ADIPOR2: variants seen among roughly 807,000 people sequenced by gnomAD.
The protein encoded by ADIPOR2 is adiponectin receptor 2.
A neutral mutation model predicts 40.9 loss-of-function variants in ADIPOR2; 18 were observed. That is an observed-to-expected ratio of 0.44 (90% confidence interval 0.30 to 0.65). The LOEUF (loss-of-function observed/expected upper bound fraction) is 0.65. Ranked by LOEUF, ADIPOR2 falls within the 30% of genes least tolerant of loss-of-function variation. ADIPOR2 has a pLI of 0.09. For missense variants in ADIPOR2, 283 were observed against 479.2 expected, an observed-to-expected ratio of 0.59 and a Z score of 3.82; for synonymous variants, 165 against 166.4, an observed-to-expected ratio of 0.99 and a Z score of 0.06.
In ADIPOR2 at chr12:1,715,784, C is replaced by G. The variant is rs534935220; in HGVS notation, c.-87+24593C>G. On this transcript the variant is annotated intron_variant, in intron 1 of 7. Transcript: ENST00000357103. ...CAAGAGGATTGTAAAATGCGCCAGT[C>G]AGCGCTCTGTAAAAATGCACCAGTC... Among the ~76,000 whole-genome samples the G allele has an allele frequency of 2.0e-5, 3 of 152,282 alleles. No homozygotes were observed. In the South Asian group the frequency reaches 6.2e-4, roughly 32 times the overall value.
At chr12:1,728,264 C>T (rs1424746763) in intron 1 of ADIPOR2, among the ~76,000 whole-genome samples, 1 of 151,838 alleles carries the variant, frequency 6.6e-6, no homozygotes, top group Non-Finnish European at 1.5e-5. Flanking sequence ...AGGCACCTGC[C>T]ACCACGCCCG....
chr12:1,748,262 T>C (rs921623037), intron 1 of ADIPOR2, among the ~76,000 whole-genome samples: 1 of 152,198 alleles, frequency 6.6e-6, no homozygotes, highest in Non-Finnish European at 1.5e-5. Context: ...TTTATTCTTT[T>C]TTTAGAGACG....
chr12:1,730,565 CGAGA>C (rs2094717861), intron 1 of ADIPOR2, among the ~76,000 whole-genome samples: 4 of 148,484 alleles, frequency 2.7e-5, no homozygotes, highest in African/African-American at 9.9e-5. Flanking sequence ...TGCAGTGAGC[CGAGA>C]TAGTGCTACT....
rs1862064514 is a variant in ADIPOR2 at position 1,754,263 on chromosome 12, A to G, written c.-81A>G. The G allele has an allele frequency of 2.2e-6, 3 of 1,354,554 alleles. No homozygotes were observed. Among genetic ancestry groups the G allele is most frequent in the South Asian group, 4.0e-5 (2 of 49,776 alleles). The allele number at this position is 1,354,554 out of a possible 1,614,324, so 83.9% of individuals were successfully genotyped here. On this transcript the variant is annotated 5_prime_UTR_variant, in exon 2 of 8. Transcript: ENST00000357103. ...CAAAACTTTCATCTTCTTAGGATCAACTCACTATCCTGAAGGTCCATTCTC... is the reference window on the plus strand; with the variant it reads ...CAAAACTTTCATCTTCTTAGGATCAGCTCACTATCCTGAAGGTCCATTCTC...
chr12:1,752,744 ATT>A (rs1196695745), intron 1 of ADIPOR2, among the ~76,000 whole-genome samples: 4 of 152,322 alleles, frequency 2.6e-5, no homozygotes, highest in Admixed American at 2.6e-4. Context: ...CTGGTACAGA[ATT>A]TACCTTTGTT....
intron 1 of ADIPOR2, among the ~76,000 whole-genome samples, chr12:1,731,281 C>G (rs1239710967): frequency 6.6e-6 from 1 of 152,190 alleles, no homozygotes; most frequent in Non-Finnish European, 1.5e-5. Context: ...GAACTTTCTC[C>G]CGCTTCAGCC....
At chr12:1,730,447 C>T (rs1479803901) in intron 1 of ADIPOR2, among the ~76,000 whole-genome samples, 1 of 151,078 alleles carries the variant, frequency 6.6e-6, no homozygotes, top group Non-Finnish European at 1.5e-5. Flanking sequence ...GAAACCTCGT[C>T]TCTACTAAAA....
At chr12:1,771,465 T>C (rs987159353) in intron 2 of ADIPOR2, among the ~76,000 whole-genome samples, 3 of 152,034 alleles carry the variant, frequency 2.0e-5, no homozygotes, top group Non-Finnish European at 2.9e-5. Context: ...TTAGGATAGT[T>C]AAAGAAGGGT....
intron 2 of ADIPOR2, among the ~76,000 whole-genome samples, chr12:1,764,227 A>G (rs2154443875): frequency 6.6e-6 from 1 of 152,280 alleles, no homozygotes; most frequent in Non-Finnish European, 1.5e-5. Context: ...CCGACACTAT[A>G]TTAATACTTT....
intron 1 of ADIPOR2, among the ~76,000 whole-genome samples, chr12:1,703,628 G>A (rs2094655180): frequency 6.6e-6 from 1 of 151,846 alleles, no homozygotes; most frequent in Non-Finnish European, 1.5e-5. Context: ...GAGGTGGGAG[G>A]ATAGCTCGAA....
chr12:1,726,321 C>T (rs1255872817), intron 1 of ADIPOR2, among the ~76,000 whole-genome samples: 2 of 152,142 alleles, frequency 1.3e-5, no homozygotes, highest in African/African-American at 4.8e-5. Flanking sequence ...CCTCACCCTC[C>T]TGAGTAGCTG....
chr12:1,754,365 C>A lies in ADIPOR2; in HGVS notation c.22C>A (p.Arg8=). MNEPTEN[R]LGCSRTPEPD... is the part of the protein sequence containing the mutation. ...TCCCATGAACGAGCCAACAGAAAAC[C>A]GATTGGGGTGCAGCAGGACTCCAGA... The change falls in exon 2 of 8, where the codon CGA becomes AGA. Residue 8 remains arginine, a synonymous_variant. Coordinates refer to ENST00000357103, the MANE Select transcript of ADIPOR2 (RefSeq NM_024551.3). The A allele has an allele frequency of 6.2e-7, 1 of 1,607,664 alleles. No individual in the cohort carries two copies. The highest frequency in any genetic ancestry group is 1.1e-5 in the South Asian group (1 of 89,684).
chr12:1,767,039 G>T (rs1322545713), intron 2 of ADIPOR2, among the ~76,000 whole-genome samples: 2 of 152,292 alleles, frequency 1.3e-5, no homozygotes, highest in African/African-American at 4.8e-5. Flanking sequence ...GGAAGCTGAG[G>T]CGGGTGGATC....
intron 6 of ADIPOR2, among the ~76,000 whole-genome samples, chr12:1,782,203 T>G (rs1347126285): frequency 6.6e-6 from 1 of 152,254 alleles, no homozygotes; most frequent in Non-Finnish European, 1.5e-5. Context: ...TGCTTGGTTC[T>G]TACCTGTTGT....
rs114675341 is a variant in ADIPOR2 at position 1,780,766 on chromosome 12, G to A, written c.651-123G>A. ...AACTTTTTTTTTTTTAAAAATTAAA[G>A]AGCAACCCAGTTTGGCTCTTAGGTG... is the stretch of plus-strand genomic sequence containing the variant. On this transcript the variant is annotated intron_variant, in intron 5 of 7. Coordinates refer to ENST00000357103, the MANE Select transcript of ADIPOR2 (RefSeq NM_024551.3). 1.8e-4 allele frequency: 243 copies of A among 1,360,662 alleles called. No individual in the cohort carries two copies. The African/African-American group carries it at 2.9e-3, about 16-fold the overall frequency. 84.3% of individuals were successfully genotyped at this position (1,360,662 alleles called of 1,614,324 possible).
chr12:1,695,663 CAAAAAA>C (rs34987467), intron 1 of ADIPOR2, among the ~76,000 whole-genome samples: 3 of 109,124 alleles, frequency 2.7e-5, no homozygotes, highest in Non-Finnish European at 5.4e-5. Flanking sequence ...AACTCCATCT[CAAAAAA>C]AAAAAAAAAA....
At chr12:1,726,187 G>A (rs2094707586) in intron 1 of ADIPOR2, among the ~76,000 whole-genome samples, 1 of 152,092 alleles carries the variant, frequency 6.6e-6, no homozygotes, top group African/African-American at 2.4e-5. Context: ...TGAAGTATAA[G>A]CAATAGAGTT....
chr12:1,710,100 G>A (rs981621072), intron 1 of ADIPOR2, among the ~76,000 whole-genome samples: 1 of 152,194 alleles, frequency 6.6e-6, no homozygotes, highest in Non-Finnish European at 1.5e-5. Context: ...GTGCTCTGTG[G>A]CTAGCTAGAG....
chr12:1,709,805 G>T (rs1273153523), intron 1 of ADIPOR2, among the ~76,000 whole-genome samples: 1 of 152,092 alleles, frequency 6.6e-6, no homozygotes, highest in Non-Finnish European at 1.5e-5. Context: ...GAGGAAACTT[G>T]TTTTCATTTG....
Sources: gnomAD v4.1 joint callset for allele counts (sites outside exome capture counted in the v4.1 genomes callset) on GRCh38, gnomAD v4.1.1 for gene constraint, MANE v1.5 for transcripts, NCBI Gene and HGNC (gene_info 2026-07-23, HGNC 2026-07-21) for gene names.